ZFPM1: variants seen among roughly 807,000 people sequenced by gnomAD.
ZFPM1 encodes the protein zinc finger protein ZFPM1.
ZFPM1 carries 28 observed loss-of-function variants against 46.3 expected under a neutral mutation model. The ratio of observed to expected loss-of-function variants is 0.60; its 90% CI spans 0.45 to 0.83. ZFPM1 has a LOEUF of 0.83. Among genes scored for constraint, ZFPM1 ranks in the 40% least tolerant of loss-of-function variants. ZFPM1 has a pLI of 0.00. For synonymous variants in ZFPM1, 957 were observed against 675.9 expected, an observed-to-expected ratio of 1.42 and a Z score of -6.45; for missense variants, 1,878 against 1,432.4, an observed-to-expected ratio of 1.31 and a Z score of -5.02.
intron 3 of ZFPM1, among the ~76,000 whole-genome samples, chr16:88,512,208 G>A (rs1911007523): frequency 6.6e-6 from 1 of 152,218 alleles, no homozygotes; most frequent in African/African-American, 2.4e-5. Context: ...GGCCGGGTAG[G>A]GTGGGCACCA....
intron 3 of ZFPM1, among the ~76,000 whole-genome samples, chr16:88,492,015 T>C (rs1339951128): frequency 1.3e-5 from 2 of 152,192 alleles, no homozygotes; most frequent in Non-Finnish European, 2.9e-5. Flanking sequence ...ACATTTGCCC[T>C]GCTCCTCCTG....
intron 1 of ZFPM1, among the ~76,000 whole-genome samples, chr16:88,464,548 G>GGTCC (rs1555522555): frequency 2.0e-5 from 3 of 152,226 alleles, no homozygotes; most frequent in African/African-American, 7.2e-5. Flanking sequence ...ATTGCTCATA[G>GGTCC]GCCCACACCC....
chr16:88,529,039 G>A (rs1912570941), intron 6 of ZFPM1, among the ~76,000 whole-genome samples: 1 of 152,246 alleles, frequency 6.6e-6, no homozygotes, highest in Non-Finnish European at 1.5e-5. Context: ...CAGCACCGTG[G>A]GAGGCCGAGG....
chr16:88,479,248 G>A (rs1214890672), intron 1 of ZFPM1, among the ~76,000 whole-genome samples: 1 of 152,152 alleles, frequency 6.6e-6, no homozygotes, highest in Non-Finnish European at 1.5e-5. Context: ...CCACTTTGAT[G>A]GCGGGGCTGG....
At chr16:88,475,144 A>G (rs905973636) in intron 1 of ZFPM1, among the ~76,000 whole-genome samples, 3 of 152,360 alleles carry the variant, frequency 2.0e-5, no homozygotes, top group African/African-American at 7.2e-5. Flanking sequence ...AGGGAGCCAC[A>G]GCTCCGGGAG....
chr16:88,494,669 G>A lies in ZFPM1; in HGVS notation c.268+5516G>A, dbSNP rs140573717. Among the ~76,000 whole-genome samples the A allele has an allele frequency of 5.9e-3, 898 of 152,290 alleles. 12 individuals carry two copies. The highest frequency in any genetic ancestry group is 0.021 in the African/African-American group (854 of 41,568). On this transcript the variant is annotated intron_variant, in intron 3 of 9. Transcript: ENST00000319555. ...CGCAGCCCTGCACGGGCAGGAGGCCGCAGGGCCTGAGTGGGGGGCGAGGCG... is the reference window on the plus strand; with the variant it reads ...CGCAGCCCTGCACGGGCAGGAGGCCACAGGGCCTGAGTGGGGGGCGAGGCG...
rs186967490 is a variant in ZFPM1 at position 88,481,447 on chromosome 16, G to A, written c.41-4492G>A. 2.5e-3 allele frequency among the ~76,000 whole-genome samples: 232 copies of A among 94,348 alleles called. 4 individuals are homozygous for A. The East Asian group carries it at 0.066, about 27-fold the overall frequency. 61.9% of individuals were successfully genotyped at this position (94,348 alleles called of 152,430 possible). A position where few individuals can be genotyped will look rare whatever the true frequency, so the allele number is the denominator to read the frequency against. On this transcript the variant is annotated intron_variant, in intron 1 of 9. Transcript: ENST00000319555. ...CCCCCACCACCGCTGCCTCCTCGCC[G>A]GGGGCCGTGGACAGGGCAGCTCGCA...
In ZFPM1 at chr16:88,534,350, A is replaced by T; in HGVS notation, c.2392A>T (p.Ser798Cys). 1 of 1,413,522 alleles carries T rather than the reference A, an allele frequency of 7.1e-7. No homozygotes were observed. Among genetic ancestry groups the T allele is most frequent in the Non-Finnish European group, 9.2e-7 (1 of 1,086,848 alleles). The allele number at this position is 1,413,522 out of a possible 1,614,324, so 87.6% of individuals were successfully genotyped here. A position where few individuals can be genotyped will look rare whatever the true frequency, so the allele number is the denominator to read the frequency against. The change falls in exon 10 of 10, where the codon AGC becomes TGC. Residue 798 changes from serine to cysteine, a missense_variant. Physicochemically the swap from Ser to Cys is moderately radical, Grantham distance 112. Transcript: ENST00000319555. ...GPAADGPIDL[S>C]KKPRRPLPGA... ...CGCGGCCGACGGCCCCATCGACCTG[A>T]GCAAGAAGCCGCGGCGCCCGCTCCC...
At chr16:88,486,689 G>A (rs1234493527) in intron 2 of ZFPM1, among the ~76,000 whole-genome samples, 2 of 151,142 alleles carry the variant, frequency 1.3e-5, no homozygotes, top group Non-Finnish European at 2.9e-5. Flanking sequence ...GTACACAGTG[G>A]GTGCTGGGTG....
rs1908390435 is a variant in ZFPM1 at position 88,471,002 on chromosome 16, T to A, written c.41-14937T>A. ...AGGGCCCAGCTCAGATGCCAGTACC[T>A]CACCCGGTGGGGTCCAGCCTCCGCG... On this transcript the variant is annotated intron_variant, in intron 1 of 9. Transcript: ENST00000319555. This position sits in a 1 kb window ranked among gnomAD's most constrained non-coding sequence, Gnocchi z 4.1. Among the ~76,000 whole-genome samples the A allele has an allele frequency of 6.6e-6, 1 of 152,082 alleles. No individual in the cohort carries two copies. The highest frequency in any genetic ancestry group is 1.5e-5 in the Non-Finnish European group (1 of 67,990).
At chr16:88,490,584 G>A (rs1194548808) in intron 3 of ZFPM1, among the ~76,000 whole-genome samples, 1 of 152,224 alleles carries the variant, frequency 6.6e-6, no homozygotes, top group Admixed American at 6.5e-5. Flanking sequence ...CCAGCAGCAA[G>A]GGGAGAGTGC....
At position 88,528,123 on chromosome 16, in the gene ZFPM1, C is replaced by A; in HGVS notation, c.597C>A (p.Gly199=). Residue 199 remains glycine, a synonymous_variant, in exon 6 of 10, where the codon GGC becomes GGA. Transcript: ENST00000319555. ...CGGCCGAGCCCCACAGCACCCCCGG[C>A]CACCCTGTGAAGAAGGAGCCAGCAG... is the stretch of plus-strand genomic sequence containing the variant. ...LLTAEPHSTP[G]HPVKKEPAEP... is the part of the protein sequence containing the mutation. The A allele has an allele frequency of 6.3e-7, 1 of 1,594,498 alleles. No individual in the cohort carries two copies. The highest frequency in any genetic ancestry group is 8.5e-7 in the Non-Finnish European group (1 of 1,172,220).
At chr16:88,487,010 A>AG (rs1403653189) in intron 2 of ZFPM1, among the ~76,000 whole-genome samples, 2 of 152,176 alleles carry the variant, frequency 1.3e-5, no homozygotes, top group African/African-American at 4.8e-5. Flanking sequence ...CCACCCTCAC[A>AG]GGCACCTCCA....
chr16:88,487,855 C>T (rs1909319697), intron 2 of ZFPM1, among the ~76,000 whole-genome samples: 1 of 152,204 alleles, frequency 6.6e-6, no homozygotes, highest in South Asian at 2.1e-4. Context: ...AGGGACATCC[C>T]AGCCCCAGGA....
rs1913069457 is a variant in ZFPM1, at chr16:88,534,191, A to C, written c.2233A>C (p.Lys745Gln). The change falls in exon 10 of 10, where the codon AAG becomes CAG. Residue 745 changes from lysine (K) to glutamine (Q), a missense_variant. Physicochemically the swap from Lys to Gln is moderately conservative, Grantham distance 53. Coordinates refer to ENST00000319555, the MANE Select transcript of ZFPM1 (RefSeq NM_153813.3). ...AAPVRTRRRR[K>Q]LYELHAAGAP... ...GCCTGTGCGCACGCGCAGACGCCGC[A>C]AGCTCTACGAGCTGCACGCGGCCGG... 1.0e-6 allele frequency: 1 copy of C among 974,148 alleles called. No homozygotes were observed. Among genetic ancestry groups the C allele is most frequent in the Non-Finnish European group, 1.2e-6 (1 of 830,676 alleles). 60.3% of individuals were successfully genotyped at this position (974,148 alleles called of 1,614,324 possible). A position where few individuals can be genotyped will look rare whatever the true frequency, so the allele number is the denominator to read the frequency against.
intron 5 of ZFPM1, among the ~76,000 whole-genome samples, chr16:88,527,152 C>T (rs978185005): frequency 1.1e-4 from 17 of 152,098 alleles, no homozygotes; most frequent in Admixed American, 3.9e-4. Context: ...GACAGGTGTC[C>T]GTGGCGGGGG....
Position 88,533,205 on chromosome 16 carries a change from C to A in ZFPM1, c.1247C>A (p.Ala416Glu), listed in dbSNP as rs1840458586. 12 of 1,550,730 alleles carry A rather than the reference C, an allele frequency of 7.7e-6. No homozygotes were observed. Among genetic ancestry groups the A allele is most frequent in the Non-Finnish European group, 1.0e-5 (12 of 1,157,628 alleles). ...GCCCTGCAAGGCCCCCTGGCCTCCG[C>A]GGACCTGGGCCTGGCGCCCACCCCA... The part of the protein sequence containing the change: ...HTALQGPLAS[A>E]DLGLAPTPSP... Residue 416 changes from alanine (A) to glutamate (E), a missense_variant, in exon 10 of 10, where the codon GCG (alanine) becomes GAG (glutamate). Transcript: ENST00000319555.
chr16:88,514,262 C>G, intron 3 of ZFPM1, 125 bp from the exon 4 acceptor site: 4 of 1,461,350 alleles, frequency 2.7e-6, no homozygotes, highest in Non-Finnish European at 2.7e-6. Context: ...CTGCCCGGCC[C>G]CTGCCATTCA....
chr16:88,455,132 G>GGGGTGTGTGTGT (rs1181672760), intron 1 of ZFPM1, among the ~76,000 whole-genome samples: 1 of 141,674 alleles, frequency 7.1e-6, no homozygotes, highest in African/African-American at 2.7e-5. Context: ...TCGGTTCTGG[G>GGGGTGTGTGTGT]GTGTGTGTGT....
Sources: gnomAD v4.1 joint callset for allele counts (sites outside exome capture counted in the v4.1 genomes callset) on GRCh38, gnomAD v4.1.1 for gene constraint, Gnocchi (gnomAD v3.1) non-coding constraint, MANE v1.5 for transcripts, NCBI Gene and HGNC (gene_info 2026-07-23, HGNC 2026-07-21) for gene names.